KCTD16: variants seen among roughly 807,000 people sequenced by gnomAD.
The protein encoded by KCTD16 is BTB/POZ domain-containing protein KCTD16.
In KCTD16, 13 loss-of-function variants were observed where a neutral mutation model predicts 33.2. The observed-to-expected ratio is 0.39, with a 90% CI of 0.25 to 0.62. The LOEUF is 0.62. KCTD16 is among the 20% of genes least tolerant of loss of function. The probability of loss-of-function intolerance (pLI) is 0.50; values close to 1 mark genes in which losing one functional copy is unlikely to be tolerated. For synonymous variants in KCTD16, 197 were observed against 195.3 expected (o/e 1.01, Z -0.07); for missense variants, 441 against 525.1 (o/e 0.84, Z 1.57).
At chr5:144,427,012 CT>C (rs900997691) in intron 3 of KCTD16, among the ~76,000 whole-genome samples, 26 of 152,092 alleles carry the variant, frequency 1.7e-4, no homozygotes, top group African/African-American at 6.0e-4. Flanking sequence ...CTTATTCCCA[CT>C]TTAGGTCTTT....
At chr5:144,456,076 C>T (rs1334161114) in intron 3 of KCTD16, among the ~76,000 whole-genome samples, 1 of 152,126 alleles carries the variant, frequency 6.6e-6, no homozygotes, top group Non-Finnish European at 1.5e-5. Context: ...CTGATTCACA[C>T]ACCTCCCTCA....
chr5:144,403,893 T>C (rs755187277), intron 3 of KCTD16, among the ~76,000 whole-genome samples: 2 of 152,142 alleles, frequency 1.3e-5, no homozygotes, highest in Non-Finnish European at 2.9e-5. Context: ...CCACCCCCAT[T>C]CTATTTGGTA....
chr5:144,462,562 G>T (rs1321907713), intron 3 of KCTD16, among the ~76,000 whole-genome samples: 5 of 123,774 alleles, frequency 4.0e-5, no homozygotes, highest in Admixed American at 8.8e-5. Flanking sequence ...TTCTCTTTTG[G>T]TTTCTTAAAA....
intron 3 of KCTD16, among the ~76,000 whole-genome samples, chr5:144,422,680 G>A (rs1404825106): frequency 6.6e-6 from 1 of 152,104 alleles, no homozygotes; most frequent in East Asian, 1.9e-4. Flanking sequence ...GTAAAGAAAT[G>A]ACCTAATCCT....
intron 3 of KCTD16, among the ~76,000 whole-genome samples, chr5:144,422,382 C>T (rs182890024): frequency 7.4e-4 from 113 of 152,252 alleles, no homozygotes; most frequent in Middle Eastern, 3.4e-3. Context: ...TTAGAACATC[C>T]ACATTTTAAA....
chr5:144,171,811 G>T (rs1159621960), intron 1 of KCTD16, among the ~76,000 whole-genome samples: 5 of 152,218 alleles, frequency 3.3e-5, no homozygotes, highest in Non-Finnish European at 1.5e-5. Flanking sequence ...TCTAAAAGAA[G>T]TGAAGATTGT....
At chr5:144,256,093 T>A (rs1754838368) in intron 3 of KCTD16, among the ~76,000 whole-genome samples, 2 of 152,166 alleles carry the variant, frequency 1.3e-5, no homozygotes, top group Admixed American at 1.3e-4. Flanking sequence ...AAAATGAGAT[T>A]ATGACTGTTA....
rs181492340 is a variant in KCTD16, at chr5:144,173,948, C to T, written c.-492-359C>T. Among the ~76,000 whole-genome samples the T allele has an allele frequency of 2.8e-3, 412 of 149,782 alleles. 6 individuals carry two copies. The highest frequency in any genetic ancestry group is 9.3e-3 in the African/African-American group (378 of 40,536). ...TGCTCCCTCACTCTGGGATAGGCTC[C>T]AGAAAGTTATATTAAAGGAGACTGG... On this transcript the variant is annotated intron_variant, in intron 1 of 3. Coordinates refer to ENST00000512467, the MANE Select transcript of KCTD16 (RefSeq NM_020768.4).
chr5:144,212,386 A>T (rs908420978), intron 3 of KCTD16, among the ~76,000 whole-genome samples: 7 of 152,180 alleles, frequency 4.6e-5, no homozygotes, highest in Non-Finnish European at 8.8e-5. Context: ...CTGTGGCATC[A>T]GGGAAGGTAT....
At position 144,482,164 on chromosome 5, in the gene KCTD16, C is replaced by T. The variant is rs892409818; in HGVS notation, c.*8050C>T. 1 of 151,926 alleles carries T rather than the reference C, an allele frequency of 6.6e-6. No homozygotes were observed. Among genetic ancestry groups the T allele is most frequent in the African/African-American group, 2.4e-5 (1 of 41,392 alleles). The allele number at this position is 151,926 out of a possible 1,614,324, so 9.4% of individuals were successfully genotyped here. On this transcript the variant is annotated 3_prime_UTR_variant, in exon 4 of 4. Coordinates refer to ENST00000512467, the MANE Select transcript of KCTD16 (RefSeq NM_020768.4). ...GAACTTTGCCTGTTTCTCCTCTCTC[C>T]TATGCTAAACAAGGTGAGATCCCAG...
intron 2 of KCTD16, among the ~76,000 whole-genome samples, chr5:144,203,374 T>G (rs766080278): frequency 6.6e-6 from 1 of 152,152 alleles, no homozygotes; most frequent in African/African-American, 2.4e-5. Flanking sequence ...AAAAAAATCT[T>G]GTTTCTTAAA....
At chr5:144,233,073 A>G (rs1488197234) in intron 3 of KCTD16, among the ~76,000 whole-genome samples, 2 of 151,390 alleles carry the variant, frequency 1.3e-5, no homozygotes, top group African/African-American at 4.9e-5. Context: ...AAAACATGGA[A>G]TTTTTTTTTC....
At chr5:144,201,954 T>C (rs62401248) in intron 2 of KCTD16, among the ~76,000 whole-genome samples, 7,110 of 152,270 alleles carry the variant, frequency 0.047, 476 homozygotes, top group African/African-American at 0.15. Flanking sequence ...ATGTAGAGAG[T>C]GATCACATTA....
At chr5:144,273,496 G>T (rs780484449) in intron 3 of KCTD16, among the ~76,000 whole-genome samples, 4 of 152,124 alleles carry the variant, frequency 2.6e-5, no homozygotes, top group Non-Finnish European at 4.4e-5. Context: ...ATTGAAACCA[G>T]GGCCTCAAAG....
chr5:144,237,355 A>C (rs539676648), intron 3 of KCTD16, among the ~76,000 whole-genome samples: 1 of 152,104 alleles, frequency 6.6e-6, no homozygotes, highest in Non-Finnish European at 1.5e-5. Flanking sequence ...ATATTGGTAC[A>C]TATTAAAGTT....
rs376422621 is a variant in KCTD16, at chr5:144,195,568, G to A, written c.-326-10821G>A. ...GTGGAGTCAACAAATGGAGAGGGAA[G>A]GGCCACTCAAATGGCTCTTAGTCTT... On this transcript the variant is annotated intron_variant, in intron 2 of 3. Transcript: ENST00000512467. 1.7e-4 allele frequency among the ~76,000 whole-genome samples: 26 copies of A among 152,274 alleles called. No homozygotes were observed. In the East Asian group the frequency reaches 4.8e-3, roughly 28 times the overall value.
At position 144,415,946 on chromosome 5, in the gene KCTD16, T is replaced by C. The variant is rs867075336; in HGVS notation, c.833-57714T>C. On this transcript the variant is annotated intron_variant, in intron 3 of 3. Coordinates refer to ENST00000512467, the MANE Select transcript of KCTD16 (RefSeq NM_020768.4). ...TGATTGGGTGCTGAGGGAAAAGAAATTGAATTTTCTTTTAGAAAGTTTCTG... is the reference window on the plus strand; with the variant it reads ...TGATTGGGTGCTGAGGGAAAAGAAACTGAATTTTCTTTTAGAAAGTTTCTG... 2.5e-4 allele frequency among the ~76,000 whole-genome samples: 38 copies of C among 152,324 alleles called. 1 individual carries two copies. Among genetic ancestry groups the C allele is most frequent in the Middle Eastern group, 6.8e-3 (2 of 294 alleles).
intron 3 of KCTD16, among the ~76,000 whole-genome samples, chr5:144,446,393 A>G (rs1175406986): frequency 6.6e-6 from 1 of 152,068 alleles, no homozygotes. Flanking sequence ...TACACCTTAT[A>G]CAAAAATTAA....
chr5:144,170,983 T>G lies in KCTD16; in HGVS notation c.-519T>G, dbSNP rs1182415039. 6.6e-6 allele frequency: 1 copy of G among 152,230 alleles called. No individual in the cohort carries two copies. Among genetic ancestry groups the G allele is most frequent in the Non-Finnish European group, 1.5e-5 (1 of 68,052 alleles). The allele number at this position is 152,230 out of a possible 1,614,324, so 9.4% of individuals were successfully genotyped here. On this transcript the variant is annotated 5_prime_UTR_variant, in exon 1 of 4. An upstream open reading frame in the 5' UTR loses its in-frame stop. Coordinates refer to ENST00000512467, the MANE Select transcript of KCTD16 (RefSeq NM_020768.4). ...AATGCCTCGGTGTCAGCATTTACTG[T>G]GATTCAAGCACTGTGCTAAAGTGTT...
Sources: gnomAD v4.1 joint callset for allele counts (sites outside exome capture counted in the v4.1 genomes callset) on GRCh38, gnomAD v4.1.1 for gene constraint, MANE v1.5 for transcripts, NCBI Gene and HGNC (gene_info 2026-07-23, HGNC 2026-07-21) for gene names.